The following RIMKLA variants were observed in gnomAD, a reference collection of about 807,000 sequenced individuals.
RIMKLA encodes ribosomal modification protein rimK like family member A, also known as N-acetylaspartylglutamate synthase A.
A neutral mutation model predicts 32.7 loss-of-function variants in RIMKLA; 14 were observed. The ratio of observed to expected loss-of-function variants is 0.43; its 90% CI spans 0.28 to 0.67. RIMKLA has a LOEUF of 0.67. Ranked by LOEUF, RIMKLA falls within the 30% of genes least tolerant of loss-of-function variation. RIMKLA has a pLI of 0.18. For synonymous variants in RIMKLA, 176 were observed against 204.1 expected, an observed-to-expected ratio of 0.86 and a Z score of 1.18; for missense variants, 410 against 519.0, an observed-to-expected ratio of 0.79 and a Z score of 2.04.
At chr1:42,392,512 A>G (rs1197319811) in intron 1 of RIMKLA, among the ~76,000 whole-genome samples, 1 of 152,060 alleles carries the variant, frequency 6.6e-6, no homozygotes, top group African/African-American at 2.4e-5. Context: ...ATTTGATTGC[A>G]CCAGGGCCCG....
chr1:42,384,415 A>C (rs1444287488), intron 1 of RIMKLA, among the ~76,000 whole-genome samples: 1 of 151,528 alleles, frequency 6.6e-6, no homozygotes, highest in East Asian at 1.9e-4. Flanking sequence ...TCTCAACCCT[A>C]GGGATAAAGT....
intron 1 of RIMKLA, among the ~76,000 whole-genome samples, chr1:42,383,733 A>G (rs1168172250): frequency 6.6e-6 from 1 of 152,214 alleles, no homozygotes; most frequent in Non-Finnish European, 1.5e-5. Context: ...ACGAAGAAGA[A>G]CCTGAGGCTC....
intron 1 of RIMKLA, 24 bp from the exon 2 acceptor site, chr1:42,399,380 C>T: frequency 6.6e-7 from 1 of 1,522,106 alleles, no homozygotes; most frequent in Non-Finnish European, 9.0e-7. Flanking sequence ...AGGCACAGCA[C>T]TCACTGTTGT....
In RIMKLA at chr1:42,419,852, C is replaced by A. The variant is rs16829473; in HGVS notation, c.*4878C>A. On this transcript the variant is annotated 3_prime_UTR_variant, in exon 5 of 5. Transcript: ENST00000431473. The stretch of plus-strand genomic sequence containing the variant: ...AAGCCCATGCCAAGCTAACTGAAAG[C>A]TTATTTGGCTCCAATTCGGCTGATG... 835 of 152,298 alleles carry A rather than the reference C, an allele frequency of 5.5e-3. 12 individuals carry two copies. Among genetic ancestry groups the A allele is most frequent in the African/African-American group, 0.019 (795 of 41,556 alleles). The allele number at this position is 152,298 out of a possible 1,614,324, so 9.4% of individuals were successfully genotyped here. A position where few individuals can be genotyped will look rare whatever the true frequency, so the allele number is the denominator to read the frequency against.
intron 1 of RIMKLA, among the ~76,000 whole-genome samples, chr1:42,397,276 A>G (rs1643055703): frequency 6.6e-6 from 1 of 152,196 alleles, no homozygotes; most frequent in Admixed American, 6.5e-5. Context: ...TAGAGCTTTT[A>G]TATTGATATT....
intron 4 of RIMKLA, among the ~76,000 whole-genome samples, chr1:42,411,766 C>G (rs533648396): frequency 6.6e-6 from 1 of 151,694 alleles, no homozygotes; most frequent in Non-Finnish European, 1.5e-5. Context: ...CTCTGCCTCC[C>G]CGGTTCACAC....
At chr1:42,409,008 G>GACC (rs1420189100) in intron 3 of RIMKLA, among the ~76,000 whole-genome samples, 1 of 151,690 alleles carries the variant, frequency 6.6e-6, no homozygotes, top group Non-Finnish European at 1.5e-5. Context: ...AGGAGTTCGA[G>GACC]ACCAGCCTGG....
At chr1:42,414,095 C>G (rs1643225177) in intron 4 of RIMKLA, among the ~76,000 whole-genome samples, 1 of 151,558 alleles carries the variant, frequency 6.6e-6, no homozygotes. Context: ...CTGTTTTTCT[C>G]TATTGTGAGA....
At position 42,385,808 on chromosome 1, in the gene RIMKLA, TTTCC is replaced by T. The variant is rs1275160381; in HGVS notation, c.163+4730_163+4733del. The stretch of plus-strand genomic sequence containing the variant: ...GTTTGTTTCTTTCTTTCTCTCTCTC[TTTCC>T]TTCCTTCCTTCCTTCCTTTCTTTCT... On this transcript the variant is annotated intron_variant, in intron 1 of 4. Coordinates refer to ENST00000431473, the MANE Select transcript of RIMKLA (RefSeq NM_173642.4). 7.8e-4 allele frequency among the ~76,000 whole-genome samples: 59 copies of T among 75,982 alleles called. 6 individuals are homozygous for T. The highest frequency in any genetic ancestry group is 1.6e-3 in the East Asian group (6 of 3,866). 49.8% of individuals were successfully genotyped at this position (75,982 alleles called of 152,430 possible). A position where few individuals can be genotyped will look rare whatever the true frequency, so the allele number is the denominator to read the frequency against.
At chr1:42,394,928 G>A (rs772570578) in intron 1 of RIMKLA, among the ~76,000 whole-genome samples, 10 of 151,866 alleles carry the variant, frequency 6.6e-5, no homozygotes, top group Admixed American at 5.2e-4. Flanking sequence ...TAGTAGAGAC[G>A]GGGTTTCATC....
intron 1 of RIMKLA, among the ~76,000 whole-genome samples, chr1:42,382,735 A>T (rs1304562312): frequency 6.6e-6 from 1 of 152,050 alleles, no homozygotes. Flanking sequence ...AATCAGTCCT[A>T]AAAAAAAGAT....
intron 1 of RIMKLA, 107 bp downstream of exon 1, chr1:42,381,204 C>T: frequency 1.2e-6 from 1 of 832,880 alleles, no homozygotes; most frequent in South Asian, 5.0e-5. Flanking sequence ...TCCTTCGGGC[C>T]CGCACACTAG....
At chr1:42,399,082 C>T (rs1302346825) in intron 1 of RIMKLA, among the ~76,000 whole-genome samples, 2 of 151,974 alleles carry the variant, frequency 1.3e-5, no homozygotes, top group Non-Finnish European at 2.9e-5. Flanking sequence ...CCTTCCACCT[C>T]CTAAGCCACT....
At chr1:42,414,090 TTTC>T (rs1643225151) in intron 4 of RIMKLA, among the ~76,000 whole-genome samples, 1 of 151,796 alleles carries the variant, frequency 6.6e-6, no homozygotes. Context: ...ATACACTGTT[TTTC>T]TCTATTGTGA....
chr1:42,387,819 G>C (rs979558782), intron 1 of RIMKLA, among the ~76,000 whole-genome samples: 2 of 152,068 alleles, frequency 1.3e-5, no homozygotes, highest in African/African-American at 4.8e-5. Context: ...GGGAAAATAG[G>C]ATGTAAACAA....
intron 1 of RIMKLA, among the ~76,000 whole-genome samples, chr1:42,389,885 T>C (rs754409761): frequency 1.5e-4 from 23 of 151,972 alleles, no homozygotes; most frequent in Non-Finnish European, 2.9e-4. Flanking sequence ...GCGTGTAGCA[T>C]TAGCAACCCC....
At chr1:42,385,759 CTTTCTTTCTTTGTTTCTTTGTTTGTTTG>C (rs1195849063) in intron 1 of RIMKLA, among the ~76,000 whole-genome samples, 15 of 80,028 alleles carry the variant, frequency 1.9e-4, no homozygotes, top group African/African-American at 1.1e-3. Flanking sequence ...TTCTTTCTTT[CTTTCTTTCTTTGTTTCTTTGTTTGTTTG>C]TTTCTTTCTT....
At chr1:42,397,734 T>A (rs890288814) in intron 1 of RIMKLA, among the ~76,000 whole-genome samples, 3 of 151,886 alleles carry the variant, frequency 2.0e-5, no homozygotes, top group Admixed American at 6.6e-5. Flanking sequence ...AAAAAAAAAA[T>A]AAAATAATAC....
At position 42,416,445 on chromosome 1, in the gene RIMKLA, G is replaced by T. The variant is rs6694180; in HGVS notation, c.*1471G>T. ...CTGCCCACCAAGATCATCCTGAGCT[G>T]CTTCACCCATTTTATTTAGCAGACT... On this transcript the variant is annotated 3_prime_UTR_variant, in exon 5 of 5. Coordinates refer to ENST00000431473, the MANE Select transcript of RIMKLA (RefSeq NM_173642.4). 0.26 allele frequency: 39,909 copies of T among 151,676 alleles called. 5,576 individuals carry two copies. Among genetic ancestry groups the T allele is most frequent in the Non-Finnish European group, 0.3 (20,053 of 67,906 alleles). 9.4% of individuals were successfully genotyped at this position (151,676 alleles called of 1,614,324 possible). A position where few individuals can be genotyped will look rare whatever the true frequency, so the allele number is the denominator to read the frequency against.
Sources: gnomAD v4.1 joint callset for allele counts (sites outside exome capture counted in the v4.1 genomes callset) on GRCh38, gnomAD v4.1.1 for gene constraint, MANE v1.5 for transcripts, NCBI Gene and HGNC (gene_info 2026-07-23, HGNC 2026-07-21) for gene names.